Variants in ANO1 observed in about 807,000 individuals in gnomAD.
ANO1 encodes anoctamin-1.
A neutral mutation model predicts 124.0 loss-of-function variants in ANO1; 59 were observed. The observed-to-expected ratio is 0.48, with a 90% CI of 0.39 to 0.59. The LOEUF is 0.59. Among genes scored for constraint, ANO1 ranks in the 20% least tolerant of loss-of-function variants. The pLI is 0.00. For synonymous variants in ANO1, 529 were observed against 532.0 expected (o/e 0.99, Z 0.08); for missense variants, 1,059 against 1,328.0 (o/e 0.80, Z 3.15).
In ANO1 at chr11:70,185,676, C is replaced by T. The variant is rs767390604; in HGVS notation, c.2675C>T (p.Ala892Val). ...DFWAVLAARL[A>V]FVIVFQNLVM... ...TGGGCCGTCCTGGCAGCCCGGCTGGCGTTTGTCATCGTCTTCCAGGTGCGG... is the reference window on the plus strand; with the variant it reads ...TGGGCCGTCCTGGCAGCCCGGCTGGTGTTTGTCATCGTCTTCCAGGTGCGG... Residue 892 changes from alanine (A) to valine (V), a missense_variant, in exon 25 of 26, where the codon GCG becomes GTG. By Grantham distance (64) the Ala-to-Val change is moderately conservative. This residue lies in a region of ANO1 where 809 missense variants were observed against 1,094.9 expected (regional missense o/e 0.74). Coordinates refer to ENST00000355303, the MANE Select transcript of ANO1 (RefSeq NM_018043.7). The T allele has an allele frequency of 9.9e-6, 16 of 1,613,878 alleles. No individual in the cohort carries two copies. The highest frequency in any genetic ancestry group is 1.3e-5 in the Non-Finnish European group (15 of 1,179,804).
At chr11:69,972,832 C>T in the ANO1 span, among the ~76,000 whole-genome samples, 1 of 152,224 alleles carries the variant, frequency 6.6e-6, no homozygotes, top group East Asian at 1.9e-4. Flanking sequence ...ATTCAGGCCT[C>T]TACACACACC....
intron 1 of ANO1, among the ~76,000 whole-genome samples, chr11:70,033,940 T>C (rs1460405462): frequency 6.6e-6 from 1 of 151,996 alleles, no homozygotes; most frequent in Admixed American, 6.6e-5. Flanking sequence ...TATCTTGAAA[T>C]AAGTAAGAAT....
intron 24 of ANO1, among the ~76,000 whole-genome samples, chr11:70,184,607 C>A (rs971580889): frequency 7.9e-5 from 12 of 152,232 alleles, no homozygotes; most frequent in African/African-American, 9.6e-5. Flanking sequence ...TAGGGCAGGG[C>A]GGGCCAGGCC....
At chr11:70,077,484 T>A (rs1033737103), upstream of ANO1, among the ~76,000 whole-genome samples, 1 of 152,206 alleles carries the variant, frequency 6.6e-6, no homozygotes, top group Non-Finnish European at 1.5e-5. Flanking sequence ...CCTGGGGACC[T>A]GCCTTATTCT....
intron 11 of ANO1, among the ~76,000 whole-genome samples, chr11:70,142,513 C>G (rs1046869685): frequency 1.3e-5 from 2 of 152,320 alleles, no homozygotes; most frequent in Non-Finnish European, 2.9e-5. Flanking sequence ...TCGTGCAGGA[C>G]CAGAGCCCTG....
intron 16 of ANO1, among the ~76,000 whole-genome samples, chr11:70,158,071 G>C (rs2135690043): frequency 6.7e-6 from 1 of 150,270 alleles, no homozygotes; most frequent in South Asian, 2.1e-4. Context: ...ATTAAATTAA[G>C]TAAAAACAAA....
intron 1 of ANO1, among the ~76,000 whole-genome samples, chr11:70,061,603 T>C (rs1194528881): frequency 2.0e-5 from 3 of 152,090 alleles, no homozygotes; most frequent in Non-Finnish European, 2.9e-5. Flanking sequence ...GCCTTGGTTT[T>C]CTTCCAATTC....
intron 1 of ANO1, among the ~76,000 whole-genome samples, chr11:69,989,930 G>T (rs550942375): frequency 6.6e-6 from 1 of 152,108 alleles, no homozygotes; most frequent in South Asian, 2.1e-4. Context: ...GGTTTGGGTG[G>T]GGATAAGTGA....
intron 1 of ANO1, among the ~76,000 whole-genome samples, chr11:69,987,504 G>A (rs548538487): frequency 2.0e-5 from 3 of 151,424 alleles, no homozygotes; most frequent in Non-Finnish European, 4.4e-5. Context: ...GTTGTCCCGG[G>A]GCTACCTGAG....
chr11:70,128,270 A>G (rs955125187), intron 10 of ANO1, among the ~76,000 whole-genome samples: 1 of 148,532 alleles, frequency 6.7e-6, no homozygotes, highest in African/African-American at 2.5e-5. Context: ...CTAATATGGT[A>G]TGAGGTCCTG....
intron 1 of ANO1, among the ~76,000 whole-genome samples, chr11:70,071,606 G>T (rs1397916438): frequency 6.8e-6 from 1 of 146,438 alleles, no homozygotes; most frequent in Non-Finnish European, 1.5e-5. Flanking sequence ...AATGGCCAAG[G>T]TCTGATTAAT....
chr11:70,045,810 G>C (rs1053208617), intron 1 of ANO1, among the ~76,000 whole-genome samples: 1 of 152,222 alleles, frequency 6.6e-6, no homozygotes. Context: ...TGTTGTGTGA[G>C]ATGGAATGGA....
chr11:70,004,080 C>T (rs1554999715), intron 1 of ANO1, among the ~76,000 whole-genome samples: 1 of 152,138 alleles, frequency 6.6e-6, no homozygotes, highest in African/African-American at 2.4e-5. Context: ...TTCCCAGTCC[C>T]CAGGAGCCCA....
intron 1 of ANO1, among the ~76,000 whole-genome samples, chr11:70,034,887 G>A (rs1168486288): frequency 2.0e-5 from 3 of 151,968 alleles, no homozygotes; most frequent in Non-Finnish European, 4.4e-5. Flanking sequence ...AGCCCAGCAG[G>A]GACTCTGCTT....
intron 1 of ANO1, chr11:70,015,340 G>A (rs1346300722): frequency 6.7e-6 from 1 of 149,774 alleles, no homozygotes; most frequent in East Asian, 2.4e-4. Flanking sequence ...TCTGTGCAGG[G>A]CAATTTTTTT....
At chr11:70,049,883 G>C (rs1374677920) in intron 1 of ANO1, among the ~76,000 whole-genome samples, 1 of 152,110 alleles carries the variant, frequency 6.6e-6, no homozygotes, top group Non-Finnish European at 1.5e-5. Context: ...ACCACGCCTG[G>C]CTAATTTTTG....
chr11:70,181,035 T>TCC (rs1320593603), intron 23 of ANO1, among the ~76,000 whole-genome samples: 1 of 152,146 alleles, frequency 6.6e-6, no homozygotes, highest in African/African-American at 2.4e-5. Flanking sequence ...GCCCATGGCC[T>TCC]GGATCTCCCC....
intron 20 of ANO1, 125 bp from the exon 21 acceptor site, chr11:70,167,117 A>C: frequency 7.8e-7 from 1 of 1,285,872 alleles, no homozygotes; most frequent in Non-Finnish European, 1.1e-6. Flanking sequence ...ACTGCACTCC[A>C]GCCTGAGCAA....
At chr11:70,105,922 A>T in intron 5 of ANO1, 134 bp downstream of exon 5, 1 of 997,580 alleles carries the variant, frequency 1.0e-6, no homozygotes, top group Non-Finnish European at 1.5e-6. Context: ...AATTAGAATA[A>T]TGAAAGGGAG....
Sources: allele counts gnomAD v4.1 joint callset (sites outside exome capture counted in the v4.1 genomes callset), GRCh38; gene constraint gnomAD v4.1.1; regional missense constraint gnomAD v4.1.1; transcripts MANE v1.5; gene names NCBI Gene and HGNC (gene_info 2026-07-23, HGNC 2026-07-21).